Variants in CDC14A observed in about 807,000 individuals in gnomAD.
The protein encoded by CDC14A is dual specificity protein phosphatase CDC14A.
A neutral mutation model predicts 74.4 loss-of-function variants in CDC14A; 53 were observed. That is an observed-to-expected ratio of 0.71 (90% CI 0.57 to 0.89). CDC14A has a LOEUF of 0.89. CDC14A is among the 40% of genes least tolerant of loss of function. The probability of loss-of-function intolerance (pLI) is 0.00; values close to 1 mark genes in which losing one functional copy is unlikely to be tolerated. For synonymous variants in CDC14A, 247 were observed against 258.4 expected, an observed-to-expected ratio of 0.96 and a Z score of 0.43; for missense variants, 646 against 713.7, an observed-to-expected ratio of 0.91 and a Z score of 1.08.
chr1:100,384,088 GGCTTGTGTTTT>G (rs1271828983), intron 3 of CDC14A, among the ~76,000 whole-genome samples: 1 of 152,022 alleles, frequency 6.6e-6, no homozygotes, highest in Admixed American at 6.5e-5. Context: ...AAGTTGCTGT[GGCTTGTGTTTT>G]ACAAGGAGTG....
At chr1:100,353,183 G>C (rs967007736) in intron 1 of CDC14A, among the ~76,000 whole-genome samples, 180 bp downstream of exon 1, 2 of 152,134 alleles carry the variant, frequency 1.3e-5, no homozygotes, top group Non-Finnish European at 2.9e-5. Context: ...TCTCTTTCTT[G>C]TGTCCCTTGC....
At chr1:100,386,153 T>G in intron 3 of CDC14A, among the ~76,000 whole-genome samples, 2 of 148,028 alleles carry the variant, frequency 1.4e-5, no homozygotes, top group South Asian at 2.2e-4. Flanking sequence ...GGTGACAGAG[T>G]GAGATAGTAT....
intron 11 of CDC14A, 106 bp downstream of exon 11, chr1:100,484,557 G>A: frequency 7.4e-6 from 10 of 1,343,466 alleles, no homozygotes; most frequent in Non-Finnish European, 9.6e-6. Context: ...GATGCCACGA[G>A]TACCAAGTTT....
intron 15 of CDC14A, among the ~76,000 whole-genome samples, chr1:100,513,331 C>G (rs1039127641): frequency 1.3e-5 from 2 of 152,042 alleles, no homozygotes; most frequent in African/African-American, 4.8e-5. Context: ...CACATTAAAA[C>G]AAACCATTTT....
intron 9 of CDC14A, 74 bp downstream of exon 9, chr1:100,462,955 A>G (rs1667459873): frequency 9.2e-7 from 1 of 1,087,152 alleles, no homozygotes; most frequent in African/African-American, 1.6e-5. Context: ...ATAACATAAA[A>G]CAAAACCTGT....
intron 7 of CDC14A, among the ~76,000 whole-genome samples, chr1:100,448,968 C>G (rs1665843264): frequency 2.6e-5 from 4 of 152,132 alleles, no homozygotes; most frequent in Admixed American, 2.6e-4. Flanking sequence ...ATATTTGAGT[C>G]TTGCTTCAAG....
At chr1:100,502,185 A>G (rs1648806710) in intron 15 of CDC14A, among the ~76,000 whole-genome samples, 1 of 152,236 alleles carries the variant, frequency 6.6e-6, no homozygotes, top group African/African-American at 2.4e-5. Flanking sequence ...TAAAGTCTAC[A>G]GTAGTGTTCA....
At chr1:100,412,529 T>A (rs1187213496) in intron 4 of CDC14A, among the ~76,000 whole-genome samples, 1 of 149,262 alleles carries the variant, frequency 6.7e-6, no homozygotes, top group Non-Finnish European at 1.5e-5. Flanking sequence ...CCAGGAAACC[T>A]GCCATTCAAG....
intron 3 of CDC14A, among the ~76,000 whole-genome samples, chr1:100,380,642 C>G (rs1213827645): frequency 6.6e-6 from 1 of 152,240 alleles, no homozygotes; most frequent in African/African-American, 2.4e-5. Flanking sequence ...TGGCACCCTG[C>G]TGATGTCTCT....
At chr1:100,433,546 A>G (rs1253910554) in intron 5 of CDC14A, among the ~76,000 whole-genome samples, 1 of 152,222 alleles carries the variant, frequency 6.6e-6, no homozygotes. Context: ...TGTAGATCAC[A>G]GTCATTTCCA....
At chr1:100,366,055 T>G (rs1653551787) in intron 2 of CDC14A, among the ~76,000 whole-genome samples, 1 of 152,192 alleles carries the variant, frequency 6.6e-6, no homozygotes. Flanking sequence ...GTCTTCTCAG[T>G]AGATAGTGAG....
At chr1:100,418,215 C>T (rs970277464) in intron 4 of CDC14A, among the ~76,000 whole-genome samples, 2 of 152,010 alleles carry the variant, frequency 1.3e-5, no homozygotes, top group African/African-American at 4.8e-5. Context: ...TTATTGTTGT[C>T]ATTATTGTGA....
chr1:100,379,251 G>A (rs1335799924), intron 3 of CDC14A, among the ~76,000 whole-genome samples: 3 of 152,168 alleles, frequency 2.0e-5, no homozygotes, highest in African/African-American at 7.2e-5. Context: ...ACACTGAACA[G>A]TATGGTAAGT....
intron 15 of CDC14A, among the ~76,000 whole-genome samples, chr1:100,509,718 T>C (rs756620935): frequency 1.3e-5 from 2 of 152,242 alleles, no homozygotes; most frequent in Non-Finnish European, 2.9e-5. Flanking sequence ...AAACCTTTGG[T>C]AAATGACGCA....
intron 4 of CDC14A, among the ~76,000 whole-genome samples, chr1:100,392,870 T>C (rs1657908705): frequency 6.6e-6 from 1 of 152,226 alleles, no homozygotes; most frequent in Admixed American, 6.5e-5. Context: ...TTTAATTCTG[T>C]TGAGATATAC....
At chr1:100,474,292 GTTTTC>G (rs1202258488) in intron 10 of CDC14A, among the ~76,000 whole-genome samples, 2 of 152,016 alleles carry the variant, frequency 1.3e-5, no homozygotes, top group Admixed American at 6.6e-5. Flanking sequence ...TTGGTTTGTA[GTTTTC>G]TTTTTTTTGT....
In CDC14A at chr1:100,500,811, AGTGTGTGTGTGTGTGTGT is replaced by A. The variant is rs58424420; in HGVS notation, c.1755+1574_1755+1591del. On this transcript the variant is annotated intron_variant, in intron 15 of 15. Coordinates refer to ENST00000336454, the MANE Select transcript of CDC14A (RefSeq NM_003672.4). ...AGGATGTTTTCTAACATGAGAATGCAGTGTGTGTGTGTGTGTGTGTGTGTGTGTGTGTGTGTGTGTGTT... is the reference window on the plus strand; with the variant it reads ...AGGATGTTTTCTAACATGAGAATGCAGTGTGTGTGTGTGTGTGTGTGTGTT... 5.8e-4 allele frequency among the ~76,000 whole-genome samples: 76 copies of A among 131,322 alleles called. 1 individual carries two copies. Among genetic ancestry groups the A allele is most frequent in the Middle Eastern group, 3.8e-3 (1 of 264 alleles). The allele number at this position is 131,322 out of a possible 152,430, so 86.2% of individuals were successfully genotyped here. A position where few individuals can be genotyped will look rare whatever the true frequency, so the allele number is the denominator to read the frequency against.
chr1:100,383,415 T>A (rs887398876), intron 3 of CDC14A: 6 of 152,676 alleles, frequency 3.9e-5, no homozygotes, highest in African/African-American at 1.4e-4. Flanking sequence ...ATTCGATCTA[T>A]TTCATCTTGG....
intron 11 of CDC14A, among the ~76,000 whole-genome samples, chr1:100,494,467 A>G (rs548338199): frequency 6.6e-6 from 1 of 152,320 alleles, no homozygotes; most frequent in South Asian, 2.1e-4. Flanking sequence ...CTAAAAACAT[A>G]TTTGTACTGC....
Sources: gnomAD v4.1 joint callset for allele counts (sites outside exome capture counted in the v4.1 genomes callset) on GRCh38, gnomAD v4.1.1 for gene constraint, MANE v1.5 for transcripts, NCBI Gene and HGNC (gene_info 2026-07-23, HGNC 2026-07-21) for gene names.